SPAG16: variants seen among roughly 807,000 people sequenced by gnomAD.
The protein encoded by SPAG16 is sperm associated antigen 16.
SPAG16 carries 86 observed loss-of-function variants against 80.4 expected under a neutral mutation model. That is an observed-to-expected ratio of 1.07 (90% CI 0.90 to 1.28). The LOEUF is 1.28. Ranked by LOEUF, SPAG16 falls within the 50% of genes most tolerant of loss-of-function variation. The pLI, the probability that SPAG16 is intolerant of heterozygous loss-of-function variation, is 0.00. For synonymous variants in SPAG16, 294 were observed against 265.9 expected, an observed-to-expected ratio of 1.11 and a Z score of -1.03; for missense variants, 870 against 765.3, an observed-to-expected ratio of 1.14 and a Z score of -1.61.
At chr2:213,920,336 T>C (rs2078156944) in intron 11 of SPAG16, among the ~76,000 whole-genome samples, 2 of 152,234 alleles carry the variant, frequency 1.3e-5, no homozygotes, top group Admixed American at 1.3e-4. Context: ...TGATGTTAGC[T>C]TGTTATGCAA....
chr2:213,952,468 A>G (rs953781142), intron 12 of SPAG16, among the ~76,000 whole-genome samples: 4 of 152,096 alleles, frequency 2.6e-5, no homozygotes, highest in African/African-American at 7.2e-5. Flanking sequence ...TTGAAAAATA[A>G]GATGCTGAAA....
Position 214,273,929 on chromosome 2 carries a change from C to A in SPAG16, c.1720+124663C>A, listed in dbSNP as rs1044443257. Among the ~76,000 whole-genome samples, 11 of 152,286 alleles carry A rather than the reference C, an allele frequency of 7.2e-5. No individual in the cohort carries two copies. The Middle Eastern group carries it at 0.01, about 141-fold the overall frequency. ...GATATTGATTCTTCCTATCCATGTG[C>A]ATGGAATGTTCTTCCATTTGTTTGT... On this transcript the variant is annotated intron_variant, in intron 15 of 15. Coordinates refer to ENST00000331683, the MANE Select transcript of SPAG16 (RefSeq NM_024532.5).
At chr2:213,908,110 ACT>A (rs974570751) in intron 11 of SPAG16, among the ~76,000 whole-genome samples, 3 of 152,120 alleles carry the variant, frequency 2.0e-5, no homozygotes, top group African/African-American at 7.2e-5. Flanking sequence ...TTGCAGTATC[ACT>A]CTGTAGCACA....
intron 6 of SPAG16, among the ~76,000 whole-genome samples, chr2:213,347,221 C>T (rs920310970): frequency 9.9e-5 from 15 of 152,106 alleles, no homozygotes; most frequent in South Asian, 2.1e-4. Flanking sequence ...TCTGTGGGAT[C>T]GGTGGTGATA....
intron 15 of SPAG16, among the ~76,000 whole-genome samples, chr2:214,278,031 CT>C (rs1256568760): frequency 6.6e-6 from 1 of 152,224 alleles, no homozygotes; most frequent in Non-Finnish European, 1.5e-5. Flanking sequence ...GCCCCTCCCC[CT>C]GCCAGGCTGC....
chr2:213,878,652 A>G (rs4672689), intron 11 of SPAG16, among the ~76,000 whole-genome samples: 90,351 of 151,908 alleles, frequency 0.59, 28,740 homozygotes, highest in South Asian at 0.85. Flanking sequence ...GAAGCTTTTC[A>G]GTTTAATTAA....
chr2:213,350,241 G>A (rs1361456437), intron 6 of SPAG16, among the ~76,000 whole-genome samples: 2 of 152,048 alleles, frequency 1.3e-5, no homozygotes, highest in Non-Finnish European at 2.9e-5. Context: ...AATTTCATGG[G>A]TAGCAGCAAT....
intron 11 of SPAG16, among the ~76,000 whole-genome samples, chr2:213,924,654 T>A (rs1169644455): frequency 2.0e-5 from 3 of 152,188 alleles, no homozygotes; most frequent in African/African-American, 7.2e-5. Flanking sequence ...TTCATTTTGC[T>A]TTGCTTTGCT....
intron 13 of SPAG16, among the ~76,000 whole-genome samples, chr2:214,072,209 T>C (rs1395968911): frequency 6.6e-6 from 1 of 152,098 alleles, no homozygotes; most frequent in African/African-American, 2.4e-5. Context: ...TAAATGTCCT[T>C]TGAGATACTT....
intron 15 of SPAG16, among the ~76,000 whole-genome samples, chr2:214,384,572 A>C (rs1039485917): frequency 6.6e-6 from 1 of 152,340 alleles, no homozygotes; most frequent in East Asian, 1.9e-4. Context: ...TATCCCATGA[A>C]TAATGTATAA....
chr2:214,254,239 A>C (rs901382180), intron 15 of SPAG16, among the ~76,000 whole-genome samples: 1 of 152,244 alleles, frequency 6.6e-6, no homozygotes, highest in Non-Finnish European at 1.5e-5. Flanking sequence ...AAACAGAGAC[A>C]ATTTGACTTC....
At chr2:213,484,543 A>G (rs978583802) in intron 9 of SPAG16, among the ~76,000 whole-genome samples, 1 of 152,224 alleles carries the variant, frequency 6.6e-6, no homozygotes, top group Non-Finnish European at 1.5e-5. Context: ...AAACGTCTCC[A>G]TTTTTGGTAA....
chr2:214,368,041 G>A (rs1403870378), intron 15 of SPAG16, among the ~76,000 whole-genome samples: 1 of 152,124 alleles, frequency 6.6e-6, no homozygotes, highest in East Asian at 1.9e-4. Flanking sequence ...TAAAGACAAG[G>A]ATCTCAATAT....
chr2:213,874,457 G>A (rs2076066610), intron 11 of SPAG16, among the ~76,000 whole-genome samples: 1 of 151,816 alleles, frequency 6.6e-6, no homozygotes, highest in African/African-American at 2.4e-5. Context: ...CATTAGCCTA[G>A]GCCTACACAG....
Position 214,284,642 on chromosome 2 carries a change from A to T in SPAG16, c.1721-125498A>T, listed in dbSNP as rs1227974349. Among the ~76,000 whole-genome samples, 7 of 152,224 alleles carry T rather than the reference A, an allele frequency of 4.6e-5. No homozygotes were observed. In the South Asian group the frequency reaches 8.3e-4, roughly 18 times the overall value. ...CTCTGTTGAGATCTACAGATGCAGA[A>T]AGTTAAGAGTACAGCTAAATATTAT... On this transcript the variant is annotated intron_variant, in intron 15 of 15. Coordinates refer to ENST00000331683, the MANE Select transcript of SPAG16 (RefSeq NM_024532.5).
intron 11 of SPAG16, among the ~76,000 whole-genome samples, chr2:213,869,906 C>A (rs1389874303): frequency 6.6e-6 from 1 of 152,120 alleles, no homozygotes; most frequent in East Asian, 1.9e-4. Context: ...TGGAGAGGAT[C>A]TTTAGACATA....
At chr2:213,342,705 T>C (rs1007964016) in intron 6 of SPAG16, among the ~76,000 whole-genome samples, 1 of 151,976 alleles carries the variant, frequency 6.6e-6, no homozygotes, top group Non-Finnish European at 1.5e-5. Context: ...GTAAATAGTA[T>C]AGAATTAGCT....
intron 11 of SPAG16, among the ~76,000 whole-genome samples, chr2:213,901,778 G>GTT (rs2077231812): frequency 2.0e-5 from 3 of 152,262 alleles, no homozygotes; most frequent in Admixed American, 6.5e-5. Flanking sequence ...AAGTTGAGTT[G>GTT]TAGAATTTTC....
intron 13 of SPAG16, among the ~76,000 whole-genome samples, chr2:214,078,646 T>G (rs1452740577): frequency 6.6e-6 from 1 of 152,136 alleles, no homozygotes; most frequent in East Asian, 1.9e-4. Context: ...TCAATGAATT[T>G]GATTAGATGA....
Sources: allele counts gnomAD v4.1 joint callset (sites outside exome capture counted in the v4.1 genomes callset), GRCh38; gene constraint gnomAD v4.1.1; transcripts MANE v1.5; gene names NCBI Gene and HGNC (gene_info 2026-07-23, HGNC 2026-07-21).